PUM1: variants seen among roughly 807,000 people sequenced by gnomAD.
The protein encoded by PUM1 is pumilio homolog 1.
PUM1 carries 13 observed loss-of-function variants against 131.8 expected under a neutral mutation model. The observed-to-expected ratio is 0.10, with a 90% CI of 0.06 to 0.16. PUM1 has a LOEUF of 0.16. Ranked by LOEUF, PUM1 falls within the 10% of genes least tolerant of loss-of-function variation. PUM1 has a pLI of 1.00. For synonymous variants in PUM1, 509 were observed against 556.5 expected (o/e 0.91, Z 1.20); for missense variants, 961 against 1,512.4 (o/e 0.64, Z 6.05).
At chr1:31,007,245 G>C in intron 3 of PUM1, 143 bp from the exon 4 acceptor site, 1 of 645,316 alleles carries the variant, frequency 1.5e-6, no homozygotes, top group Non-Finnish European at 2.7e-6. Flanking sequence ...CTACACAACT[G>C]TGGTCAGAAC....
At chr1:30,938,828 G>A (rs1338140477) in intron 20 of PUM1, among the ~76,000 whole-genome samples, 3 of 152,108 alleles carry the variant, frequency 2.0e-5, no homozygotes, top group African/African-American at 2.4e-5. Flanking sequence ...TTGCGCCACC[G>A]TACTCCAGCC....
Position 31,050,700 on chromosome 1 carries a change from A to G in PUM1, c.363+8504T>C, listed in dbSNP as rs182080167. On this transcript the variant is annotated intron_variant, in intron 2 of 21. Coordinates refer to ENST00000426105, the MANE Select transcript of PUM1 (RefSeq NM_001020658.2). ...AGGTAGACAAGATTCATTGTCTAAG[A>G]GAGTCCATCAGCAGGTACAACAGAA... Among the ~76,000 whole-genome samples the G allele has an allele frequency of 1.9e-3, 295 of 152,366 alleles. 1 individual carries two copies. Among genetic ancestry groups the G allele is most frequent in the Admixed American group, 4.6e-3 (71 of 15,302 alleles).
intron 3 of PUM1, among the ~76,000 whole-genome samples, chr1:31,023,806 G>A (rs1353735100): frequency 6.6e-6 from 1 of 151,454 alleles, no homozygotes; most frequent in Non-Finnish European, 1.5e-5. Context: ...GTGCACATCT[G>A]TACTCCCAGC....
intron 14 of PUM1, among the ~76,000 whole-genome samples, chr1:30,954,190 G>A (rs1640058022): frequency 6.6e-6 from 1 of 152,204 alleles, no homozygotes; most frequent in South Asian, 2.1e-4. Context: ...ATTGAGAAGG[G>A]AATGCTTTTA....
At chr1:30,960,390 TC>T (rs1410753958) in intron 14 of PUM1, among the ~76,000 whole-genome samples, 1 of 152,070 alleles carries the variant, frequency 6.6e-6, no homozygotes, top group Non-Finnish European at 1.5e-5. Flanking sequence ...TCTCAATCTG[TC>T]CTGGAGGTTC....
At chr1:30,950,389 TA>T in intron 16 of PUM1, 128 bp from the exon 17 acceptor site, 1 of 909,670 alleles carries the variant, frequency 1.1e-6, no homozygotes, top group Non-Finnish European at 1.6e-6. Flanking sequence ...CATGATTAAC[TA>T]AACCTTTTAT....
intron 3 of PUM1, among the ~76,000 whole-genome samples, chr1:31,027,657 T>A (rs564598515): frequency 7.4e-4 from 113 of 152,310 alleles, no homozygotes; most frequent in African/African-American, 2.6e-3. Context: ...CAAAATCTTG[T>A]AACAAAGAAA....
intron 3 of PUM1, among the ~76,000 whole-genome samples, chr1:31,022,819 C>G (rs1643079101): frequency 6.6e-6 from 1 of 152,022 alleles, no homozygotes; most frequent in African/African-American, 2.4e-5. Flanking sequence ...AAAAAATACC[C>G]AAAAAACATA....
chr1:30,956,315 G>A (rs1377452719), intron 14 of PUM1, among the ~76,000 whole-genome samples: 3 of 152,012 alleles, frequency 2.0e-5, no homozygotes, highest in Admixed American at 6.6e-5. Context: ...CTAGGCTGGA[G>A]TGCAATGGTG....
intron 10 of PUM1, among the ~76,000 whole-genome samples, chr1:30,972,001 AC>A: frequency 6.6e-6 from 1 of 151,890 alleles, no homozygotes; most frequent in Non-Finnish European, 1.5e-5. Context: ...CACACCTGTA[AC>A]CCAGCACTCT....
intron 2 of PUM1, among the ~76,000 whole-genome samples, chr1:31,037,682 G>A (rs540309403): frequency 3.3e-5 from 5 of 150,480 alleles, no homozygotes; most frequent in Admixed American, 6.6e-5. Context: ...ACTCCAGCCC[G>A]GGCGACAAAG....
At chr1:30,955,299 A>AC (rs1278850240) in intron 14 of PUM1, among the ~76,000 whole-genome samples, 1,906 of 116,204 alleles carry the variant, frequency 0.016, 45 homozygotes, top group African/African-American at 0.055. Flanking sequence ...ACTAAAAAAT[A>AC]CAAAAAAAAA....
At chr1:31,012,155 A>C (rs1377398031) in intron 3 of PUM1, among the ~76,000 whole-genome samples, 1 of 152,102 alleles carries the variant, frequency 6.6e-6, no homozygotes, top group Non-Finnish European at 1.5e-5. Flanking sequence ...CCTATAGCCA[A>C]CCATGCCAAT....
intron 3 of PUM1, among the ~76,000 whole-genome samples, chr1:31,009,674 A>T (rs1252291610): frequency 6.6e-6 from 1 of 151,338 alleles, no homozygotes; most frequent in African/African-American, 2.4e-5. Flanking sequence ...AGGCTGAGGC[A>T]CAAGAATTGC....
chr1:30,996,954 C>T (rs911187684), intron 5 of PUM1, among the ~76,000 whole-genome samples: 1 of 82,328 alleles, frequency 1.2e-5, no homozygotes, highest in Non-Finnish European at 2.2e-5. Flanking sequence ...AAAAATCATG[C>T]AAAACTGAAC....
intron 20 of PUM1, among the ~76,000 whole-genome samples, chr1:30,939,964 T>G (rs1639375388): frequency 6.6e-6 from 1 of 152,192 alleles, no homozygotes; most frequent in Admixed American, 6.5e-5. Context: ...AACAAAAATG[T>G]AAACAGGAGA....
chr1:31,038,802 C>T (rs938158769), intron 2 of PUM1, among the ~76,000 whole-genome samples: 2 of 151,172 alleles, frequency 1.3e-5, no homozygotes, highest in Non-Finnish European at 1.5e-5. Context: ...GGAATTTAAC[C>T]TAAGCAAATC....
intron 3 of PUM1, among the ~76,000 whole-genome samples, chr1:31,016,466 G>T (rs751466178): frequency 6.6e-6 from 1 of 151,798 alleles, no homozygotes; most frequent in Non-Finnish European, 1.5e-5. Context: ...CCAAATTCTC[G>T]TTTTGCATTT....
At chr1:31,029,643 G>A (rs1643345192) in intron 2 of PUM1, among the ~76,000 whole-genome samples, 1 of 152,186 alleles carries the variant, frequency 6.6e-6, no homozygotes, top group African/African-American at 2.4e-5. Flanking sequence ...TGTCTCTGCT[G>A]TCTGAGGCTA....
Sources: allele counts gnomAD v4.1 joint callset (sites outside exome capture counted in the v4.1 genomes callset), GRCh38; gene constraint gnomAD v4.1.1; transcripts MANE v1.5; gene names NCBI Gene and HGNC (gene_info 2026-07-23, HGNC 2026-07-21).